Variants in FRMD4A observed in about 807,000 individuals in gnomAD.
FRMD4A encodes the protein FERM domain-containing protein 4A.
Under a neutral mutation model 129.1 loss-of-function variants are expected in FRMD4A, and 29 were observed. The observed-to-expected ratio is 0.22, with a 90% CI of 0.17 to 0.31. FRMD4A has a LOEUF of 0.31. Among genes scored for constraint, FRMD4A ranks in the 10% least tolerant of loss-of-function variants. FRMD4A has a pLI of 1.00. For missense variants in FRMD4A, 1,272 were observed against 1,375.8 expected, an observed-to-expected ratio of 0.92 and a Z score of 1.19; for synonymous variants, 634 against 571.6, an observed-to-expected ratio of 1.11 and a Z score of -1.56.
chr10:14,116,608 A>G (rs182628512), intron 2 of FRMD4A, among the ~76,000 whole-genome samples: 27 of 152,308 alleles, frequency 1.8e-4, no homozygotes, highest in African/African-American at 6.3e-4. Context: ...AAGGAGACTC[A>G]GTGGGTTACA....
intron 2 of FRMD4A, among the ~76,000 whole-genome samples, chr10:13,880,693 C>T (rs2094537064): frequency 6.6e-6 from 1 of 152,000 alleles, no homozygotes; most frequent in African/African-American, 2.4e-5. Flanking sequence ...TGAATTCTGC[C>T]CTCTGCTTGG....
At chr10:14,285,961 G>A (rs574441745) in intron 2 of FRMD4A, among the ~76,000 whole-genome samples, 20 of 152,282 alleles carry the variant, frequency 1.3e-4, no homozygotes, top group African/African-American at 4.8e-4. Flanking sequence ...ACGCAAGATG[G>A]CGGATCCAAA....
chr10:14,052,471 G>A (rs1270816993), intron 2 of FRMD4A, among the ~76,000 whole-genome samples: 2 of 152,170 alleles, frequency 1.3e-5, no homozygotes, highest in Non-Finnish European at 2.9e-5. Context: ...GAGGCCTCAG[G>A]AAGCTTTTAC....
At chr10:13,875,434 C>G (rs887573731) in intron 2 of FRMD4A, among the ~76,000 whole-genome samples, 1 of 152,176 alleles carries the variant, frequency 6.6e-6, no homozygotes, top group African/African-American at 2.4e-5. Context: ...AGGGACATAG[C>G]AGGCATGCAT....
At chr10:14,073,423 C>T (rs1835410343) in intron 2 of FRMD4A, among the ~76,000 whole-genome samples, 2 of 152,056 alleles carry the variant, frequency 1.3e-5, no homozygotes, top group Non-Finnish European at 2.9e-5. Context: ...CCTTGAGTTC[C>T]TAGGTGATTG....
intron 3 of FRMD4A, among the ~76,000 whole-genome samples, chr10:13,839,891 C>A (rs970379425): frequency 2.0e-5 from 3 of 152,226 alleles, no homozygotes; most frequent in African/African-American, 7.2e-5. Context: ...AGAGCCAGAG[C>A]AGAGCAGACC....
At position 13,665,640 on chromosome 10, in the gene FRMD4A, G is replaced by A. The variant is rs1284788229; in HGVS notation, c.1603+457C>T. 3.9e-5 allele frequency among the ~76,000 whole-genome samples: 6 copies of A among 152,188 alleles called. No homozygotes were observed. The South Asian group carries it at 1.0e-3, about 26-fold the overall frequency. ...CAAGCTTCAGCTCTTGGGATAGGAG[G>A]CCCCTGGCAGCATAGGGGTCAGTGG... On this transcript the variant is annotated intron_variant, in intron 18 of 24. Transcript: ENST00000357447.
At chr10:13,747,421 C>T (rs977200682) in intron 9 of FRMD4A, among the ~76,000 whole-genome samples, 1 of 151,462 alleles carries the variant, frequency 6.6e-6, no homozygotes, top group African/African-American at 2.4e-5. Context: ...CCTGTAATCC[C>T]AGCTACTCAG....
intron 2 of FRMD4A, among the ~76,000 whole-genome samples, chr10:14,173,140 G>A (rs1841561833): frequency 6.6e-6 from 1 of 152,222 alleles, no homozygotes; most frequent in African/African-American, 2.4e-5. Context: ...TCTGCTGTGT[G>A]TTTAGAGATC....
At chr10:13,683,256 C>T (rs938915392) in intron 15 of FRMD4A, among the ~76,000 whole-genome samples, 1 of 152,134 alleles carries the variant, frequency 6.6e-6, no homozygotes, top group African/African-American at 2.4e-5. Context: ...GCATCCAGTG[C>T]TCAGACCTGC....
intron 12 of FRMD4A, among the ~76,000 whole-genome samples, chr10:13,714,855 T>G (rs2088619344): frequency 6.6e-6 from 1 of 151,526 alleles, no homozygotes; most frequent in South Asian, 2.1e-4. Context: ...CTGGCCAACA[T>G]GGTGAACCTC....
At position 13,993,852 on chromosome 10, in the gene FRMD4A, T is replaced by TA. The variant is rs397695448; in HGVS notation, c.46-134941dup. Reference sequence around the variant, plus strand: ...CCTGTCAGAATAGGTTTTTTTTTTTTAAAAAAATATATATTCTGATTTAGC... The same window carrying TA: ...CCTGTCAGAATAGGTTTTTTTTTTTTAAAAAAAATATATATTCTGATTTAGC... On this transcript the variant is annotated intron_variant, in intron 2 of 24. Transcript: ENST00000357447. Among the ~76,000 whole-genome samples, 807 of 151,260 alleles carry TA rather than the reference T, an allele frequency of 5.3e-3. 12 individuals are homozygous for TA. Among genetic ancestry groups the TA allele is most frequent in the East Asian group, 0.051 (259 of 5,086 alleles).
intron 2 of FRMD4A, among the ~76,000 whole-genome samples, chr10:14,082,599 G>A (rs1306938108): frequency 6.6e-6 from 1 of 152,182 alleles, no homozygotes; most frequent in Non-Finnish European, 1.5e-5. Context: ...AGGTGGAGCT[G>A]AGGCCCCAGC....
chr10:14,026,902 A>G (rs1833008894), intron 2 of FRMD4A, among the ~76,000 whole-genome samples: 1 of 152,222 alleles, frequency 6.6e-6, no homozygotes, highest in Non-Finnish European at 1.5e-5. Context: ...CTAGTTTTCC[A>G]GCGATCTCAG....
chr10:13,796,704 C>A, intron 4 of FRMD4A, 116 bp from the exon 5 acceptor site: 1 of 615,792 alleles, frequency 1.6e-6, no homozygotes, highest in East Asian at 2.8e-5. Flanking sequence ...GAACCTTCAC[C>A]TTATTTTTAA....
chr10:14,257,516 C>T (rs1254065953), intron 2 of FRMD4A, among the ~76,000 whole-genome samples: 1 of 152,038 alleles, frequency 6.6e-6, no homozygotes, highest in East Asian at 1.9e-4. Flanking sequence ...GAATGGTATC[C>T]CCTCGAAAAT....
At chr10:14,166,846 T>C (rs144604667) in intron 2 of FRMD4A, among the ~76,000 whole-genome samples, 20 of 152,356 alleles carry the variant, frequency 1.3e-4, no homozygotes, top group African/African-American at 4.6e-4. Flanking sequence ...TCGTGCCCAG[T>C]TTATCAAACC....
intron 2 of FRMD4A, among the ~76,000 whole-genome samples, chr10:14,160,321 C>T (rs1840819181): frequency 6.6e-6 from 1 of 151,974 alleles, no homozygotes; most frequent in Admixed American, 6.6e-5. Context: ...AATGTAAGAC[C>T]TGAAATTATA....
chr10:14,085,401 T>C (rs556732470), intron 2 of FRMD4A, among the ~76,000 whole-genome samples: 1 of 152,208 alleles, frequency 6.6e-6, no homozygotes, highest in Non-Finnish European at 1.5e-5. Context: ...TGGCTTTCAG[T>C]TAATACTGCA....
Sources: gnomAD v4.1 joint callset for allele counts (sites outside exome capture counted in the v4.1 genomes callset) on GRCh38, gnomAD v4.1.1 for gene constraint, MANE v1.5 for transcripts, NCBI Gene and HGNC (gene_info 2026-07-23, HGNC 2026-07-21) for gene names.